CNBD1: variants seen among roughly 807,000 people sequenced by gnomAD.
The protein encoded by CNBD1 is cyclic nucleotide binding domain containing 1, also known as cyclic nucleotide-binding domain-containing protein 1.
CNBD1 carries 71 observed loss-of-function variants against 54.4 expected under a neutral mutation model. The observed-to-expected ratio is 1.30, with a 90% CI of 1.08 to 1.59. The LOEUF is 1.59. CNBD1 is among the 40% of genes most tolerant of loss of function. The probability of loss-of-function intolerance (pLI) is 0.00; values close to 1 mark genes in which losing one functional copy is unlikely to be tolerated. For missense variants in CNBD1, 659 were observed against 518.0 expected (o/e 1.27, Z -2.64); for synonymous variants, 182 against 170.7 (o/e 1.07, Z -0.51).
At chr8:86,942,833 G>A (rs1218627695) in intron 4 of CNBD1, among the ~76,000 whole-genome samples, 1 of 152,138 alleles carries the variant, frequency 6.6e-6, no homozygotes, top group Non-Finnish European at 1.5e-5. Context: ...AATTGCATTA[G>A]CAATGGGGTT....
intron 4 of CNBD1, among the ~76,000 whole-genome samples, chr8:86,995,034 T>C (rs1026127424): frequency 6.6e-6 from 1 of 152,120 alleles, no homozygotes; most frequent in African/African-American, 2.4e-5. Flanking sequence ...ACAACTTGTA[T>C]GAGGATCTTT....
At chr8:87,224,122 A>C (rs1302735367) in intron 5 of CNBD1, among the ~76,000 whole-genome samples, 2 of 151,576 alleles carry the variant, frequency 1.3e-5, no homozygotes, top group African/African-American at 2.4e-5. Flanking sequence ...GTTTGAGTTC[A>C]TTGTAGATTC....
intron 10 of CNBD1, among the ~76,000 whole-genome samples, chr8:87,370,560 T>A (rs910708117): frequency 6.6e-6 from 1 of 152,166 alleles, no homozygotes; most frequent in South Asian, 2.1e-4. Context: ...CTTTGCCCAC[T>A]TTTTGATGGG....
chr8:87,267,048 G>A (rs77713019), intron 6 of CNBD1, among the ~76,000 whole-genome samples: 2 of 152,050 alleles, frequency 1.3e-5, no homozygotes, highest in East Asian at 3.9e-4. Context: ...TTCATCCAGA[G>A]ATATTCTAAG....
chr8:86,946,964 G>A (rs989543175), intron 4 of CNBD1, among the ~76,000 whole-genome samples: 5 of 152,088 alleles, frequency 3.3e-5, no homozygotes, highest in African/African-American at 9.7e-5. Context: ...TTTTGTACTC[G>A]AGGATTTACC....
At chr8:87,425,974 C>G (rs1055081943) in intron 2 of CNBD1, among the ~76,000 whole-genome samples, 2 of 152,226 alleles carry the variant, frequency 1.3e-5, no homozygotes, top group African/African-American at 4.8e-5. Flanking sequence ...CAGCGAGACT[C>G]AGTGGGGCAG....
At chr8:87,140,211 TTCTCTCTC>T (rs751577787) in intron 4 of CNBD1, among the ~76,000 whole-genome samples, 1 of 149,574 alleles carries the variant, frequency 6.7e-6, no homozygotes, top group Non-Finnish European at 1.5e-5. Flanking sequence ...TCTGTCTCTC[TTCTCTCTC>T]TCTCTCTCTC....
At chr8:87,248,477 G>A (rs1345388965) in intron 6 of CNBD1, among the ~76,000 whole-genome samples, 1 of 152,172 alleles carries the variant, frequency 6.6e-6, no homozygotes, top group Non-Finnish European at 1.5e-5. Context: ...TTCAATAATT[G>A]CTTCTATTCT....
In CNBD1 at chr8:87,048,406, G is replaced by A. The variant is rs189267616; in HGVS notation, c.431+108652G>A. ...CTCACCTGTAGTAAAGCCACGGGAC[G>A]AAGAGTAACCCAAGGGAGGTGAGTT... On this transcript the variant is annotated intron_variant, in intron 4 of 10. Coordinates refer to ENST00000518476, the MANE Select transcript of CNBD1 (RefSeq NM_173538.3). Among the ~76,000 whole-genome samples the A allele has an allele frequency of 1.8e-4, 28 of 152,282 alleles. 1 individual carries two copies. Among genetic ancestry groups the A allele is most frequent in the African/African-American group, 2.4e-5 (1 of 41,568 alleles).
At chr8:87,139,810 T>C (rs752534690) in intron 4 of CNBD1, among the ~76,000 whole-genome samples, 36 of 152,172 alleles carry the variant, frequency 2.4e-4, no homozygotes, top group Non-Finnish European at 4.6e-4. Flanking sequence ...CTGTAGACAC[T>C]GAATGTCAAA....
chr8:87,060,545 C>T (rs372749584), intron 4 of CNBD1, among the ~76,000 whole-genome samples: 15 of 152,222 alleles, frequency 9.9e-5, no homozygotes, highest in Admixed American at 6.5e-4. Flanking sequence ...TTGGGAATCA[C>T]GGATACATCA....
chr8:87,280,151 T>C (rs1808567301), intron 6 of CNBD1, among the ~76,000 whole-genome samples: 2 of 151,576 alleles, frequency 1.3e-5, no homozygotes, highest in South Asian at 4.1e-4. Flanking sequence ...CAGATATCAG[T>C]GTATAGTCCC....
intron 10 of CNBD1, among the ~76,000 whole-genome samples, chr8:87,374,503 A>G (rs1380174849): frequency 1.3e-5 from 2 of 151,838 alleles, no homozygotes; most frequent in Admixed American, 1.3e-4. Context: ...CCGTCTTTAC[A>G]TACCCAGTTG....
intron 4 of CNBD1, among the ~76,000 whole-genome samples, chr8:86,969,555 C>A (rs1357561466): frequency 6.6e-6 from 1 of 151,960 alleles, no homozygotes; most frequent in Non-Finnish European, 1.5e-5. Flanking sequence ...ATGTTTGATA[C>A]TTTGAATCTC....
intron 4 of CNBD1, among the ~76,000 whole-genome samples, chr8:87,047,519 A>G (rs900031246): frequency 1.3e-5 from 2 of 152,210 alleles, no homozygotes; most frequent in African/African-American, 2.4e-5. Context: ...AGTGAATGCT[A>G]CTAAGCTTGA....
Position 87,286,687 on chromosome 8 carries a change from T to C in CNBD1, c.1042+16T>C. ...CCAGGTCATGGTAAGTTTAATGCAA[T>C]TTAGATCATTTTGTTTGCATTCTGT... On this transcript the variant is annotated intron_variant, in intron 8 of 10. Transcript: ENST00000518476. The C allele has an allele frequency of 2.6e-6, 4 of 1,517,024 alleles. No homozygotes were observed. The highest frequency in any genetic ancestry group is 3.6e-6 in the Non-Finnish European group (4 of 1,121,846). The allele number at this position is 1,517,024 out of a possible 1,614,324, so 94.0% of individuals were successfully genotyped here.
Position 87,163,407 on chromosome 8 carries a change from C to T in CNBD1, c.432-42586C>T, listed in dbSNP as rs1254716501. Among the ~76,000 whole-genome samples, 1 of 151,752 alleles carries T rather than the reference C, an allele frequency of 6.6e-6. No homozygotes were observed. The highest frequency in any genetic ancestry group is 1.5e-5 in the Non-Finnish European group (1 of 67,916). ...ATTGCATTGAATCTGCAGATCACTT[C>T]AGGTCATATGAATAATTTAATATTA... On this transcript the variant is annotated intron_variant, in intron 4 of 10. Transcript: ENST00000518476. The surrounding 1 kb of genome is among the most constrained non-coding windows in gnomAD (Gnocchi z 4.5).
intron 6 of CNBD1, among the ~76,000 whole-genome samples, chr8:87,244,980 TG>T (rs1195586020): frequency 6.6e-6 from 1 of 152,106 alleles, no homozygotes; most frequent in Non-Finnish European, 1.5e-5. Flanking sequence ...TAAAATAAAA[TG>T]TAAACATTAG....
chr8:86,923,704 A>G (rs1389435108), intron 3 of CNBD1, among the ~76,000 whole-genome samples: 1 of 152,170 alleles, frequency 6.6e-6, no homozygotes, highest in African/African-American at 2.4e-5. Context: ...GTAAATTCTA[A>G]TTTCAAGTGC....
Sources: gnomAD v4.1 joint callset for allele counts (sites outside exome capture counted in the v4.1 genomes callset) on GRCh38, gnomAD v4.1.1 for gene constraint, Gnocchi (gnomAD v3.1) non-coding constraint, MANE v1.5 for transcripts, NCBI Gene and HGNC (gene_info 2026-07-23, HGNC 2026-07-21) for gene names.